Variants in MARCHF8 observed in about 807,000 individuals in gnomAD.
MARCHF8 encodes membrane associated ring-CH-type finger 8.
Under a neutral mutation model 51.6 loss-of-function variants are expected in MARCHF8, and 40 were observed. That is an observed-to-expected ratio of 0.77 (90% CI 0.60 to 1.01). The LOEUF is 1.01. Among genes scored for constraint, MARCHF8 ranks in the 50% least tolerant of loss-of-function variants. The pLI, the probability that MARCHF8 is intolerant of heterozygous loss-of-function variation, is 0.00. For synonymous variants in MARCHF8, 263 were observed against 280.3 expected (o/e 0.94, Z 0.62); for missense variants, 685 against 708.6 (o/e 0.97, Z 0.38).
At chr10:45,584,170 A>C (rs1419434997) in intron 1 of MARCHF8, among the ~76,000 whole-genome samples, 1 of 69,792 alleles carries the variant, frequency 1.4e-5, no homozygotes, top group Non-Finnish European at 3.0e-5. Flanking sequence ...TATATATATC[A>C]AGAAATTCTC....
At chr10:45,571,183 T>A (rs990936587) in intron 1 of MARCHF8, among the ~76,000 whole-genome samples, 1 of 152,224 alleles carries the variant, frequency 6.6e-6, no homozygotes, top group Admixed American at 6.5e-5. Context: ...ATGTCAGGCC[T>A]CTGAGCCCAA....
chr10:45,458,057 A>G lies in MARCHF8; in HGVS notation c.*182T>C. ...TGCCAGGCAGAGGCAGGACCCAGGC[A>G]TGCCTGGCCCACAGGAAGGTTTTCT... On this transcript the variant is annotated 3_prime_UTR_variant, in exon 8 of 8. Transcript: ENST00000453424. 1.6e-6 allele frequency: 1 copy of G among 630,178 alleles called. No individual in the cohort carries two copies. The highest frequency in any genetic ancestry group is 2.9e-5 in the East Asian group (1 of 34,890). The allele number at this position is 630,178 out of a possible 1,614,324, so 39.0% of individuals were successfully genotyped here.
intron 1 of MARCHF8, chr10:45,593,318 A>G (rs1173358132): frequency 7.1e-6 from 1 of 141,656 alleles, no homozygotes; most frequent in African/African-American, 2.7e-5. Context: ...TGCTACTCTT[A>G]AAAAAAAAAA....
At chr10:45,553,107 C>T (rs1053644661) in intron 1 of MARCHF8, 1 of 152,072 alleles carries the variant, frequency 6.6e-6, no homozygotes, top group African/African-American at 2.4e-5. Context: ...TGCAATGGCT[C>T]ATACCTGTAA....
intron 2 of MARCHF8, among the ~76,000 whole-genome samples, chr10:45,511,227 TTAA>T (rs1355023271): frequency 5.9e-5 from 9 of 152,220 alleles, no homozygotes; most frequent in African/African-American, 2.2e-4. Flanking sequence ...TTTAAAAATC[TTAA>T]TTATACATTA....
At chr10:45,512,142 G>A (rs2043526812) in intron 2 of MARCHF8, among the ~76,000 whole-genome samples, 1 of 149,880 alleles carries the variant, frequency 6.7e-6, no homozygotes, top group Non-Finnish European at 1.5e-5. Flanking sequence ...GACCCCGTCT[G>A]GGAGGTGAGG....
At chr10:45,502,741 C>T (rs962898575) in intron 2 of MARCHF8, among the ~76,000 whole-genome samples, 6 of 151,934 alleles carry the variant, frequency 3.9e-5, no homozygotes, top group African/African-American at 1.5e-4. Flanking sequence ...CAGTCACAGA[C>T]AAAGAGTAAC....
intron 5 of MARCHF8, chr10:45,462,191 G>A (rs1842809795): frequency 6.6e-6 from 1 of 152,242 alleles, no homozygotes; most frequent in African/African-American, 2.4e-5. Flanking sequence ...GGGGATCTCT[G>A]ATCCAAATGT....
intron 2 of MARCHF8, among the ~76,000 whole-genome samples, chr10:45,520,686 G>T (rs1391712640): frequency 6.6e-6 from 1 of 152,210 alleles, no homozygotes; most frequent in African/African-American, 2.4e-5. Context: ...TACCACACGA[G>T]GGGGCGTGAA....
intron 1 of MARCHF8, among the ~76,000 whole-genome samples, chr10:45,564,615 C>T (rs1220252063): frequency 6.6e-6 from 1 of 151,990 alleles, no homozygotes; most frequent in Non-Finnish European, 1.5e-5. Flanking sequence ...GCAAAAAATA[C>T]TGACTTATAA....
At chr10:45,566,242 T>TA (rs1224113383) in intron 1 of MARCHF8, among the ~76,000 whole-genome samples, 1 of 152,188 alleles carries the variant, frequency 6.6e-6, no homozygotes, top group African/African-American at 2.4e-5. Context: ...AAGAATAGGG[T>TA]ATCCATACCC....
At chr10:45,511,915 A>G (rs1204999561) in intron 2 of MARCHF8, among the ~76,000 whole-genome samples, 1 of 144,550 alleles carries the variant, frequency 6.9e-6, no homozygotes, top group African/African-American at 2.6e-5. Context: ...CCCAGTCTGG[A>G]AAGTGAGGAG....
In MARCHF8 at chr10:45,475,456, G is replaced by T. The variant is rs559090962; in HGVS notation, c.154-11129C>A. ...CAGTTCCTGAGTAAACCATCCTGAG[G>T]CCTGGGGACTGCGCAGCCCATTCCA... On this transcript the variant is annotated intron_variant, in intron 3 of 7. Coordinates refer to ENST00000453424, the MANE Select transcript of MARCHF8 (RefSeq NM_001282866.2). 3.7e-4 allele frequency among the ~76,000 whole-genome samples: 56 copies of T among 152,314 alleles called. 1 individual carries two copies. In the South Asian group the frequency reaches 0.012, roughly 32 times the overall value.
intron 3 of MARCHF8, among the ~76,000 whole-genome samples, chr10:45,474,242 C>G (rs2042746347): frequency 6.6e-6 from 1 of 152,200 alleles, no homozygotes; most frequent in Non-Finnish European, 1.5e-5. Flanking sequence ...GGTAAGACAG[C>G]CTGCAGGTGG....
intron 3 of MARCHF8, among the ~76,000 whole-genome samples, chr10:45,467,739 A>G (rs918942195): frequency 1.3e-5 from 2 of 152,022 alleles, no homozygotes; most frequent in Admixed American, 1.3e-4. Flanking sequence ...TGAAAGCAGC[A>G]GGCAGTGTGG....
At chr10:45,465,572 C>T (rs34731408) in intron 3 of MARCHF8, among the ~76,000 whole-genome samples, 9,357 of 152,282 alleles carry the variant, frequency 0.061, 329 homozygotes, top group Non-Finnish European at 0.066. Flanking sequence ...CTCCTCCTCC[C>T]CCTACCCCTC....
In MARCHF8 at chr10:45,458,303, G is replaced by C. The variant is rs748197693; in HGVS notation, c.1658C>G (p.Ser553Cys). The change falls in exon 8 of 8, where the codon TCC becomes TGC. Residue 553 changes from serine to cysteine, a missense_variant. Coordinates refer to ENST00000453424, the MANE Select transcript of MARCHF8 (RefSeq NM_001282866.2). ...ENKHGYGICH[S>C]DTNSSCCTEP... ...TGTGCAACAAGAAGAGTTTGTGTCGGAATGACAGATTCCATATCCATGTTT... is the reference window on the plus strand; with the variant it reads ...TGTGCAACAAGAAGAGTTTGTGTCGCAATGACAGATTCCATATCCATGTTT... 1.2e-6 allele frequency: 2 copies of C among 1,614,088 alleles called. No homozygotes were observed. The highest frequency in any genetic ancestry group is 1.7e-6 in the Non-Finnish European group (2 of 1,180,028).
At chr10:45,562,114 G>A (rs2044317802) in intron 1 of MARCHF8, among the ~76,000 whole-genome samples, 1 of 151,986 alleles carries the variant, frequency 6.6e-6, no homozygotes, top group South Asian at 2.1e-4. Context: ...CAGAGTTAGG[G>A]AAATGAAAAA....
intron 1 of MARCHF8, among the ~76,000 whole-genome samples, chr10:45,570,881 G>C (rs986730960): frequency 1.3e-5 from 2 of 152,070 alleles, no homozygotes; most frequent in African/African-American, 4.8e-5. Context: ...CTTAACAAAA[G>C]ATATGGAAGC....
Sources: allele counts gnomAD v4.1 joint callset (sites outside exome capture counted in the v4.1 genomes callset), GRCh38; gene constraint gnomAD v4.1.1; transcripts MANE v1.5; gene names NCBI Gene and HGNC (gene_info 2026-07-23, HGNC 2026-07-21).